The following CD44 variants were observed in gnomAD, a reference collection of about 807,000 sequenced individuals.
The protein encoded by CD44 is CD44 antigen.
CD44 carries 49 observed loss-of-function variants against 88.8 expected under a neutral mutation model. The ratio of observed to expected loss-of-function variants is 0.55; its 90% CI spans 0.44 to 0.70. CD44 has a LOEUF of 0.70. Among genes scored for constraint, CD44 ranks in the 30% least tolerant of loss-of-function variants. The pLI is 0.00. For synonymous variants in CD44, 325 were observed against 312.3 expected (o/e 1.04, Z -0.43); for missense variants, 883 against 913.8 (o/e 0.97, Z 0.43).
At chr11:35,222,418 C>A (rs532590448) in intron 17 of CD44, 542 of 1,295,316 alleles carry the variant, frequency 4.2e-4, no homozygotes, top group Non-Finnish European at 5.3e-4. Context: ...ACTGTTTCAT[C>A]GTCTTCTTGC....
rs969929859 is a variant in CD44, at chr11:35,230,812, A to G, written c.*1479A>G. The G allele has an allele frequency of 6.6e-6, 1 of 152,222 alleles. No individual in the cohort carries two copies. The highest frequency in any genetic ancestry group is 1.9e-4 in the East Asian group (1 of 5,194). The allele number at this position is 152,222 out of a possible 1,614,324, so 9.4% of individuals were successfully genotyped here. On this transcript the variant is annotated 3_prime_UTR_variant, in exon 18 of 18. Coordinates refer to ENST00000428726, the MANE Select transcript of CD44 (RefSeq NM_000610.4). ...AGAACTTCCAAAGGCTGCTTGTCAT[A>G]GAAGCCATTGCATCTATAAAGCAAC... is the stretch of plus-strand genomic sequence containing the variant.
chr11:35,202,657 G>A (rs1166122647), intron 9 of CD44, among the ~76,000 whole-genome samples: 2 of 152,166 alleles, frequency 1.3e-5, no homozygotes, highest in Non-Finnish European at 2.9e-5. Flanking sequence ...AAAGGGCTTT[G>A]GGAATCTATG....
chr11:35,171,771 A>G (rs1369880267), intron 1 of CD44, among the ~76,000 whole-genome samples: 1 of 152,230 alleles, frequency 6.6e-6, no homozygotes, highest in Non-Finnish European at 1.5e-5. Flanking sequence ...AATCACATCA[A>G]TGCAATCTTT....
intron 1 of CD44, among the ~76,000 whole-genome samples, chr11:35,158,156 C>A (rs1039608600): frequency 1.3e-5 from 2 of 152,140 alleles, no homozygotes; most frequent in Non-Finnish European, 2.9e-5. Flanking sequence ...AAGTAGCTTC[C>A]CAGAGCCCTG....
rs139758280 is a variant in CD44, at chr11:35,205,851, T to A, written c.1283-261T>A. The A allele has an allele frequency of 3.2e-4, 354 of 1,093,858 alleles. 2 individuals carry two copies. The African/African-American group carries it at 5.2e-3, about 16-fold the overall frequency. 67.8% of individuals were successfully genotyped at this position (1,093,858 alleles called of 1,614,324 possible). On this transcript the variant is annotated intron_variant, in intron 10 of 17. Coordinates refer to ENST00000428726, the MANE Select transcript of CD44 (RefSeq NM_000610.4). ...TTCATCTTCCTTTGATGTCGGTAAC[T>A]CATCCTTTCTGCACTGCGGGAGTTG...
intron 1 of CD44, among the ~76,000 whole-genome samples, chr11:35,154,443 G>C (rs1941588193): frequency 6.6e-6 from 1 of 152,158 alleles, no homozygotes; most frequent in South Asian, 2.1e-4. Context: ...AGAACAGCGA[G>C]ATAGTTGTGC....
chr11:35,193,295 A>G (rs1946448295), intron 5 of CD44, among the ~76,000 whole-genome samples: 1 of 152,202 alleles, frequency 6.6e-6, no homozygotes, highest in Admixed American at 6.6e-5. Context: ...AAGTTTATGA[A>G]TTTTTGTTGG....
intron 1 of CD44, among the ~76,000 whole-genome samples, chr11:35,162,841 C>T (rs1283697831): frequency 6.6e-6 from 1 of 152,068 alleles, no homozygotes; most frequent in Non-Finnish European, 1.5e-5. Flanking sequence ...GAAGGAGACC[C>T]TGCTTCTTAT....
At chr11:35,174,854 G>A (rs1197332404) in intron 1 of CD44, among the ~76,000 whole-genome samples, 1 of 152,178 alleles carries the variant, frequency 6.6e-6, no homozygotes, top group African/African-American at 2.4e-5. Context: ...TACTGTTATA[G>A]GGATTAGAGA....
chr11:35,164,617 T>G (rs1355376987), intron 1 of CD44, among the ~76,000 whole-genome samples: 1 of 152,174 alleles, frequency 6.6e-6, no homozygotes, highest in Non-Finnish European at 1.5e-5. Context: ...AGTTTTTGAT[T>G]GTATAAATCT....
chr11:35,179,124 C>A (rs1022590663), intron 2 of CD44, among the ~76,000 whole-genome samples: 3 of 152,228 alleles, frequency 2.0e-5, no homozygotes, highest in African/African-American at 7.2e-5. Context: ...GCTACAATTG[C>A]CACATAGGTA....
intron 15 of CD44, among the ~76,000 whole-genome samples, chr11:35,216,762 A>G (rs1948862297): frequency 6.6e-6 from 1 of 152,126 alleles, no homozygotes; most frequent in Non-Finnish European, 1.5e-5. Flanking sequence ...GACCCCAGCC[A>G]CTCTCTAAGT....
chr11:35,190,017 G>A lies in CD44; in HGVS notation c.619G>A (p.Glu207Lys), dbSNP rs748017211. The A allele has an allele frequency of 6.2e-6, 10 of 1,614,030 alleles. No homozygotes were observed. The highest frequency in any genetic ancestry group is 2.2e-5 in the South Asian group (2 of 91,080). ...TFSTVHPIPD[E>K]DSPWITDSTD... ...TTCTACTGTACACCCCATCCCAGAC[G>A]AAGACAGTCCCTGGATCACCGACAG... The change falls in exon 5 of 18, where the codon GAA becomes AAA. Residue 207 changes from glutamate (E) to lysine (K), a missense_variant. Transcript: ENST00000428726.
chr11:35,198,758 G>C (rs7941924), intron 7 of CD44, among the ~76,000 whole-genome samples: 112,754 of 151,958 alleles, frequency 0.74, 42,610 homozygotes, highest in East Asian at 0.93. Flanking sequence ...GCGGGCAGAT[G>C]ACGAGGTCAG....
intron 17 of CD44, among the ~76,000 whole-genome samples, chr11:35,225,815 A>AAAAAC (rs1180386547): frequency 1.3e-5 from 2 of 152,068 alleles, no homozygotes; most frequent in Admixed American, 6.6e-5. Context: ...AGACTTTGTA[A>AAAAAC]AAAACAAAAC....
intron 3 of CD44, among the ~76,000 whole-genome samples, chr11:35,180,665 T>C (rs1591089043): frequency 6.6e-6 from 1 of 152,136 alleles, no homozygotes; most frequent in East Asian, 1.9e-4. Flanking sequence ...GGGAGAAGAA[T>C]TGTCTTGGGC....
intron 4 of CD44, among the ~76,000 whole-genome samples, chr11:35,188,198 G>A (rs542235360): frequency 5.2e-4 from 79 of 152,328 alleles, no homozygotes; most frequent in Non-Finnish European, 9.6e-4. Flanking sequence ...AGAGGGATGA[G>A]AATCTTCGTA....
intron 3 of CD44, among the ~76,000 whole-genome samples, chr11:35,182,512 A>C (rs1409917110): frequency 1.3e-5 from 2 of 152,202 alleles, no homozygotes; most frequent in Non-Finnish European, 2.9e-5. Context: ...AAGGGAAGGG[A>C]GTCCAATTAA....
Position 35,229,429 on chromosome 11 carries a change from T to C in CD44, c.*96T>C. The C allele has an allele frequency of 1.4e-6, 1 of 733,238 alleles. No individual in the cohort carries two copies. The highest frequency in any genetic ancestry group is 2.8e-4 in the Middle Eastern group (1 of 3,568). The allele number at this position is 733,238 out of a possible 1,614,324, so 45.4% of individuals were successfully genotyped here. On this transcript the variant is annotated 3_prime_UTR_variant, in exon 18 of 18. Transcript: ENST00000428726. ...ACAGATGCAATGTGCTACTGATTGT[T>C]TCATTGCGAATCTTTTTTAGCATAA...
Sources: gnomAD v4.1 joint callset for allele counts (sites outside exome capture counted in the v4.1 genomes callset) on GRCh38, gnomAD v4.1.1 for gene constraint, MANE v1.5 for transcripts, NCBI Gene and HGNC (gene_info 2026-07-23, HGNC 2026-07-21) for gene names.